The following AMOTL1 variants were observed in gnomAD, a reference collection of about 807,000 sequenced individuals.
AMOTL1 encodes angiomotin-like protein 1.
Under a neutral mutation model 102.9 loss-of-function variants are expected in AMOTL1, and 45 were observed. That is an observed-to-expected ratio of 0.44 (90% CI 0.34 to 0.56). The LOEUF (loss-of-function observed/expected upper bound fraction) is 0.56, where lower values mean the gene tolerates loss of function less well. AMOTL1 is among the 20% of genes least tolerant of loss of function. The pLI, the probability that AMOTL1 is intolerant of heterozygous loss-of-function variation, is 0.01. For missense variants in AMOTL1, 1,114 were observed against 1,225.6 expected (o/e 0.91, Z 1.36); for synonymous variants, 481 against 484.7 (o/e 0.99, Z 0.10).
chr11:94,858,687 G>A (rs1952714314), intron 8 of AMOTL1, among the ~76,000 whole-genome samples: 1 of 152,172 alleles, frequency 6.6e-6, no homozygotes, highest in Admixed American at 6.5e-5. Context: ...CACTCTGACT[G>A]GGCCCCTAAC....
intron 1 of AMOTL1, among the ~76,000 whole-genome samples, chr11:94,784,031 A>T (rs369972976): frequency 3.3e-5 from 5 of 151,536 alleles, no homozygotes; most frequent in African/African-American, 1.2e-4. Flanking sequence ...CTGTTTTTGT[A>T]TAGTACAAAG....
chr11:94,737,895 T>G (rs573319530), intron 2 of AMOTL1, among the ~76,000 whole-genome samples: 1 of 152,334 alleles, frequency 6.6e-6, no homozygotes, highest in Non-Finnish European at 1.5e-5. Context: ...GTGCTATCAG[T>G]GTAGACAATT....
intron 1 of AMOTL1, among the ~76,000 whole-genome samples, chr11:94,776,941 G>T (rs1050920896): frequency 6.6e-6 from 1 of 152,212 alleles, no homozygotes; most frequent in Non-Finnish European, 1.5e-5. Context: ...TTGGAACATA[G>T]AAGAAGGGCA....
intron 3 of AMOTL1, among the ~76,000 whole-genome samples, chr11:94,749,739 T>C (rs1007051061): frequency 3.9e-5 from 6 of 152,238 alleles, no homozygotes; most frequent in African/African-American, 1.2e-4. Flanking sequence ...CCGCAGCCCA[T>C]GGTGGTGAGG....
intron 4 of AMOTL1, among the ~76,000 whole-genome samples, chr11:94,823,283 G>A (rs547203280): frequency 3.2e-4 from 49 of 152,258 alleles, no homozygotes; most frequent in African/African-American, 1.2e-3. Flanking sequence ...GACCAGACTT[G>A]GCTGAGGGAG....
At chr11:94,764,025 T>C (rs1218305066), upstream of AMOTL1, among the ~76,000 whole-genome samples, 1 of 152,208 alleles carries the variant, frequency 6.6e-6, no homozygotes, top group Non-Finnish European at 1.5e-5. Context: ...AAAAGGTGTT[T>C]AGAAGCATGG....
intron 1 of AMOTL1, among the ~76,000 whole-genome samples, chr11:94,792,722 T>C (rs1366376801): frequency 1.3e-5 from 2 of 152,198 alleles, no homozygotes; most frequent in African/African-American, 4.8e-5. Context: ...CATGTCTTAA[T>C]AGTTAGGCAT....
intron 1 of AMOTL1, among the ~76,000 whole-genome samples, chr11:94,786,932 C>T (rs1440194848): frequency 6.6e-6 from 1 of 152,064 alleles, no homozygotes; most frequent in Non-Finnish European, 1.5e-5. Context: ...GCAGACGATT[C>T]ATTGGTAAAA....
At chr11:94,795,451 CT>C (rs1336883338) in intron 2 of AMOTL1, among the ~76,000 whole-genome samples, 10 of 152,152 alleles carry the variant, frequency 6.6e-5, no homozygotes, top group Non-Finnish European at 1.2e-4. Flanking sequence ...TTCCTAAATA[CT>C]TTTTTCTCCC....
At chr11:94,808,965 C>CT (rs199619372) in intron 3 of AMOTL1, among the ~76,000 whole-genome samples, 12,972 of 110,282 alleles carry the variant, frequency 0.12, 1,190 homozygotes, top group Non-Finnish European at 0.16. Context: ...TTCTTTCTTT[C>CT]TTTTTTTTTT....
Position 94,745,266 on chromosome 11 carries a change from A to G in AMOTL1, c.136+4278A>G, listed in dbSNP as rs1403024029. ...CTCCCCCATCCCCCCACCCCACGACAGGACCCAGTGTGTGATGTTCCCCAC... is the reference window on the plus strand; with the variant it reads ...CTCCCCCATCCCCCCACCCCACGACGGGACCCAGTGTGTGATGTTCCCCAC... On this transcript the variant is annotated intron_variant, in intron 3 of 4. Transcript: ENST00000299004. 3.4e-5 allele frequency among the ~76,000 whole-genome samples: 4 copies of G among 118,256 alleles called. No homozygotes were observed. The Admixed American group carries it at 4.2e-4, about 12-fold the overall frequency. The allele number at this position is 118,256 out of a possible 152,430, so 77.6% of individuals were successfully genotyped here.
At chr11:94,773,804 G>GTAC (rs1226155644) in intron 1 of AMOTL1, among the ~76,000 whole-genome samples, 2 of 152,214 alleles carry the variant, frequency 1.3e-5, no homozygotes, top group African/African-American at 4.8e-5. Flanking sequence ...TTAAAAGAAG[G>GTAC]TGAAAACACA....
At chr11:94,752,257 C>A (rs550940759) in intron 3 of AMOTL1, among the ~76,000 whole-genome samples, 54 of 152,218 alleles carry the variant, frequency 3.5e-4, no homozygotes, top group African/African-American at 1.3e-3. Flanking sequence ...GTCAGTTGCA[C>A]CCTCCTCAGC....
At position 94,869,817 on chromosome 11, in the gene AMOTL1, C is replaced by T. The variant is rs149896016; in HGVS notation, c.2764+344C>T. Among the ~76,000 whole-genome samples, 472 of 152,298 alleles carry T rather than the reference C, an allele frequency of 3.1e-3. 2 individuals are homozygous for T. The highest frequency in any genetic ancestry group is 5.1e-3 in the Non-Finnish European group (344 of 68,026). ...GGGAGCCAGAATTAGGCACCAGGTA[C>T]ATCAAAGGCACAAGTTCACTGTTGC... On this transcript the variant is annotated intron_variant, in intron 12 of 12. Transcript: ENST00000433060.
chr11:94,722,972 T>C (rs1053799287), intron 1 of AMOTL1, among the ~76,000 whole-genome samples: 3 of 152,174 alleles, frequency 2.0e-5, no homozygotes, highest in African/African-American at 7.2e-5. Context: ...TTTTCTTTTT[T>C]CTTTGCTCCT....
intron 1 of AMOTL1, among the ~76,000 whole-genome samples, chr11:94,780,155 T>C (rs1317337879): frequency 6.6e-6 from 1 of 152,192 alleles, no homozygotes; most frequent in Non-Finnish European, 1.5e-5. Flanking sequence ...TTGTTTGTAA[T>C]GCTCAGTACA....
upstream of AMOTL1, chr11:94,768,270 G>C (rs548130158): frequency 1.9e-4 from 236 of 1,230,188 alleles, 1 homozygote; most frequent in Middle Eastern, 2.5e-3. Flanking sequence ...CGCCACGGCG[G>C]GGGTGGAGTG....
chr11:94,764,058 T>C (rs1233969183), upstream of AMOTL1, among the ~76,000 whole-genome samples: 2 of 152,242 alleles, frequency 1.3e-5, no homozygotes, highest in Non-Finnish European at 2.9e-5. Context: ...TCCTTCCTTG[T>C]GTCCATGCCT....
At chr11:94,834,822 G>C (rs1272727261) in intron 6 of AMOTL1, among the ~76,000 whole-genome samples, 1 of 152,162 alleles carries the variant, frequency 6.6e-6, no homozygotes, top group African/African-American at 2.4e-5. Flanking sequence ...AGATCTCCCA[G>C]TTAATGGAGG....
Sources: allele counts gnomAD v4.1 joint callset (sites outside exome capture counted in the v4.1 genomes callset), GRCh38; gene constraint gnomAD v4.1.1; transcripts MANE v1.5; gene names NCBI Gene and HGNC (gene_info 2026-07-23, HGNC 2026-07-21).